The following ARCN1 variants were observed in gnomAD, a reference collection of about 807,000 sequenced individuals.
The protein encoded by ARCN1 is archain 1 coat protein complex I subunit delta.
Under a neutral mutation model 60.4 loss-of-function variants are expected in ARCN1, and 5 were observed. The ratio of observed to expected loss-of-function variants is 0.08; its 90% CI spans 0.04 to 0.17. The LOEUF (loss-of-function observed/expected upper bound fraction) is 0.17, where lower values mean the gene tolerates loss of function less well. Among genes scored for constraint, ARCN1 ranks in the 10% least tolerant of loss-of-function variants. The pLI is 1.00. For missense variants in ARCN1, 464 were observed against 626.5 expected (o/e 0.74, Z 2.77); for synonymous variants, 224 against 220.0 (o/e 1.02, Z -0.16).
In ARCN1 at chr11:118,583,352, C is replaced by T; in HGVS notation, c.441C>T (p.Val147=). The T allele has an allele frequency of 1.2e-6, 2 of 1,609,038 alleles. No homozygotes were observed. The highest frequency in any genetic ancestry group is 1.7e-6 in the Non-Finnish European group (2 of 1,177,902). ...DSHEEKVFRA[V]RETQEREAKA... is the part of the protein sequence containing the mutation. ...ATGAGGAGAAGGTGTTCAGAGCCGT[C>T]AGAGAGGTAAATAGGATCTTCTCTG... The change falls in exon 3 of 10, where the codon GTC becomes GTT. Residue 147 remains valine, a synonymous_variant. Transcript: ENST00000264028.
At chr11:118,583,765 A>T in intron 3 of ARCN1, 44 bp from the exon 4 acceptor site, 1 of 1,595,820 alleles carries the variant, frequency 6.3e-7, no homozygotes, top group African/African-American at 1.4e-5. Context: ...TCTCAACAAA[A>T]ACCCAAAAAA....
At chr11:118,589,708 A>C (rs1412792222) in intron 5 of ARCN1, among the ~76,000 whole-genome samples, 4 of 152,348 alleles carry the variant, frequency 2.6e-5, no homozygotes, top group Non-Finnish European at 4.4e-5. Context: ...GGCGTGAGCC[A>C]CCACGCCCGT....
intron 7 of ARCN1, among the ~76,000 whole-genome samples, chr11:118,593,088 A>G (rs971654633): frequency 3.3e-5 from 5 of 152,136 alleles, no homozygotes; most frequent in African/African-American, 4.8e-5. Context: ...TTTAGAGACA[A>G]GGTCTTCTTC....
At chr11:118,586,478 G>A (rs1355680883) in intron 5 of ARCN1, among the ~76,000 whole-genome samples, 7 of 152,054 alleles carry the variant, frequency 4.6e-5, no homozygotes, top group African/African-American at 7.2e-5. Flanking sequence ...CACTAAAGCC[G>A]CTGTGCTCTT....
At chr11:118,592,580 A>G (rs1938936559) in intron 6 of ARCN1, 129 bp from the exon 7 acceptor site, 6 of 627,744 alleles carry the variant, frequency 9.6e-6, no homozygotes, top group Non-Finnish European at 1.5e-5. Context: ...CTTTCTTCAA[A>G]ATGAAAAAGA....
At chr11:118,586,787 G>A (rs1484355755) in intron 5 of ARCN1, among the ~76,000 whole-genome samples, 1 of 151,306 alleles carries the variant, frequency 6.6e-6, no homozygotes, top group Non-Finnish European at 1.5e-5. Context: ...GGGAAGCAGA[G>A]GTTGCAGTGA....
chr11:118,599,053 CA>C (rs1337797427), intron 9 of ARCN1, among the ~76,000 whole-genome samples: 1 of 151,048 alleles, frequency 6.6e-6, no homozygotes, highest in Non-Finnish European at 1.5e-5. Context: ...CTCAGCCTCC[CA>C]AAGTGCTGAG....
intron 1 of ARCN1, among the ~76,000 whole-genome samples, chr11:118,579,293 G>T (rs1417722308): frequency 1.3e-5 from 2 of 152,042 alleles, no homozygotes; most frequent in African/African-American, 2.4e-5. Flanking sequence ...AATGTGAAAT[G>T]ATCCCAAATA....
chr11:118,586,677 C>A (rs1938786061), intron 5 of ARCN1, among the ~76,000 whole-genome samples: 1 of 151,862 alleles, frequency 6.6e-6, no homozygotes, highest in Non-Finnish European at 1.5e-5. Flanking sequence ...AAAAAATTAA[C>A]CCCTTCTCCA....
At chr11:118,575,410 G>A (rs923297607) in intron 1 of ARCN1, among the ~76,000 whole-genome samples, 5 of 145,862 alleles carry the variant, frequency 3.4e-5, no homozygotes, top group Admixed American at 2.0e-4. Flanking sequence ...AACTGATAAC[G>A]GGTGTGTGTG....
At chr11:118,584,258 T>C (rs1938727157) in intron 4 of ARCN1, among the ~76,000 whole-genome samples, 1 of 152,200 alleles carries the variant, frequency 6.6e-6, no homozygotes, top group African/African-American at 2.4e-5. Flanking sequence ...AGTTGCCTTA[T>C]TGTGGGGAGG....
chr11:118,575,018 C>T (rs879974136), intron 1 of ARCN1, among the ~76,000 whole-genome samples: 2 of 152,082 alleles, frequency 1.3e-5, no homozygotes, highest in African/African-American at 2.4e-5. Context: ...CTCGCTCTGT[C>T]TCCAGGCTGG....
intron 6 of ARCN1, among the ~76,000 whole-genome samples, chr11:118,592,045 C>A (rs144153489): frequency 6.6e-6 from 1 of 151,908 alleles, no homozygotes; most frequent in Non-Finnish European, 1.5e-5. Flanking sequence ...CTCAGCCTCT[C>A]GAGTAGGTGG....
At chr11:118,587,769 C>T (rs1320851521) in intron 5 of ARCN1, among the ~76,000 whole-genome samples, 1 of 152,182 alleles carries the variant, frequency 6.6e-6, no homozygotes, top group Non-Finnish European at 1.5e-5. Flanking sequence ...ACTGATTCTT[C>T]CTTCCCACCA....
chr11:118,576,469 A>G lies in ARCN1; in HGVS notation c.3+3919A>G, dbSNP rs1168889128. Among the ~76,000 whole-genome samples, 8 of 150,470 alleles carry G rather than the reference A, an allele frequency of 5.3e-5. No homozygotes were observed. The Admixed American group carries it at 5.3e-4, about 10-fold the overall frequency. ...AAAAAACCAAAAACTTTGTAATCAT[A>G]TTTATTAATTCTTCCTCAGAGAAAA... On this transcript the variant is annotated intron_variant, in intron 1 of 9. Coordinates refer to ENST00000264028, the MANE Select transcript of ARCN1 (RefSeq NM_001655.5).
In ARCN1 at chr11:118,590,509, G is replaced by A. The variant is rs148276430; in HGVS notation, c.984+3G>A. ...ATAAGAAAGGGGTGCAGCTACAGGT[G>A]TGTAGAAGCTTTTGATAGGGAGTAT... is the stretch of plus-strand genomic sequence containing the variant. On this transcript the variant is annotated splice_donor_region_variant and intron_variant, in intron 6 of 9. Coordinates refer to ENST00000264028, the MANE Select transcript of ARCN1 (RefSeq NM_001655.5). The A allele has an allele frequency of 3.2e-4, 517 of 1,613,876 alleles. No individual in the cohort carries two copies. In the African/African-American group the frequency reaches 6.5e-3, roughly 20 times the overall value.
Position 118,583,099 on chromosome 11 carries a change from T to G in ARCN1, c.268-80T>G. On this transcript the variant is annotated intron_variant, in intron 2 of 9. Transcript: ENST00000264028. ...AAGGGATTTAGGTTATTGAAATTTA[T>G]GTACTCTAAAGGATAAGACTTGGAA... is the stretch of plus-strand genomic sequence containing the variant. The G allele has an allele frequency of 2.1e-6, 3 of 1,459,248 alleles. No individual in the cohort carries two copies. In the South Asian group the frequency reaches 3.6e-5, roughly 18 times the overall value. 90.4% of individuals were successfully genotyped at this position (1,459,248 alleles called of 1,614,324 possible).
Position 118,601,450 on chromosome 11 carries a change from A to G in ARCN1, c.*736A>G. ...TTTTAAAAAGTTTTCTCTGTAGAAA[A>G]TTTTAATCATTCATACCCTTTACCT... is the stretch of plus-strand genomic sequence containing the variant. On this transcript the variant is annotated 3_prime_UTR_variant, in exon 10 of 10. Coordinates refer to ENST00000264028, the MANE Select transcript of ARCN1 (RefSeq NM_001655.5). 2 of 610,812 alleles carry G rather than the reference A, an allele frequency of 3.3e-6. No individual in the cohort carries two copies. The highest frequency in any genetic ancestry group is 5.8e-6 in the Non-Finnish European group (2 of 346,112). The allele number at this position is 610,812 out of a possible 1,614,324, so 37.8% of individuals were successfully genotyped here. A position where few individuals can be genotyped will look rare whatever the true frequency, so the allele number is the denominator to read the frequency against.
intron 1 of ARCN1, among the ~76,000 whole-genome samples, chr11:118,579,146 G>A (rs1938593064): frequency 2.6e-5 from 4 of 151,842 alleles, no homozygotes; most frequent in Admixed American, 2.6e-4. Flanking sequence ...GTAACTGAAG[G>A]TCAGGCAGAT....
Sources: allele counts gnomAD v4.1 joint callset (sites outside exome capture counted in the v4.1 genomes callset), GRCh38; gene constraint gnomAD v4.1.1; transcripts MANE v1.5; gene names NCBI Gene and HGNC (gene_info 2026-07-23, HGNC 2026-07-21).